The following DEAF1 variants were observed in gnomAD, a reference collection of about 807,000 sequenced individuals.
The protein encoded by DEAF1 is DEAF1 transcription factor, also known as deformed epidermal autoregulatory factor 1 homolog.
DEAF1 carries 53 observed loss-of-function variants against 58.9 expected under a neutral mutation model. The ratio of observed to expected loss-of-function variants is 0.90; its 90% CI spans 0.72 to 1.13. The LOEUF is 1.13. DEAF1 is among the 50% of genes most tolerant of loss of function. DEAF1 has a pLI of 0.00. For synonymous variants in DEAF1, 385 were observed against 340.4 expected (o/e 1.13, Z -1.44); for missense variants, 685 against 791.4 (o/e 0.87, Z 1.61).
At chr11:694,620 G>GGTGGAGCGGGCTGGTCAC in intron 1 of DEAF1, 139 bp downstream of exon 1, 1 of 798,664 alleles carries the variant, frequency 1.3e-6, no homozygotes, top group Non-Finnish European at 1.7e-6. Context: ...GTGCAGGGCG[G>GGTGGAGCGGGCTGGTCAC]GTGGAGCGGG....
In DEAF1 at chr11:679,700, C is replaced by T. The variant is rs371467345; in HGVS notation, c.1114G>A (p.Ala372Thr). ...TGGAGCAGCTCACCTGTGGCCCCTG[C>T]GAAGACGTCGCCCTGGGCCGGACTC... ...SESPAQGDVF[A>T]GATVQEASVQ... The change falls in exon 8 of 12, where the codon GCA becomes ACA. Residue 372 changes from alanine (A) to threonine (T), a missense_variant. This residue lies in a region of DEAF1 where 343 missense variants were observed against 379.8 expected (regional missense o/e 0.90). Coordinates refer to ENST00000382409, the MANE Select transcript of DEAF1 (RefSeq NM_021008.4). 3.1e-4 allele frequency: 492 copies of T among 1,612,466 alleles called. 1 individual carries two copies. The South Asian group carries it at 5.1e-3, about 17-fold the overall frequency.
chr11:691,402 G>C, intron 2 of DEAF1, 99 bp downstream of exon 2: 1 of 1,117,878 alleles, frequency 8.9e-7, no homozygotes, highest in African/African-American at 1.5e-5. Context: ...CAGAGCAGAC[G>C]TTCACACAGC....
chr11:704,482 C>A, intron 1 of DEAF1: 1 of 1,289,420 alleles, frequency 7.8e-7, no homozygotes, highest in Non-Finnish European at 1.0e-6. Flanking sequence ...GGACCCACTT[C>A]ACACACCAGC....
rs1374346481 is a variant in DEAF1 at position 704,528 on chromosome 11, C to G, written c.-438+2044G>C. On this transcript the variant is annotated intron_variant, in intron 1 of 11. Transcript: ENST00000683307. ...CTCGGGCCACCTCCCTCACCAGCGC[C>G]TGCACTCGCAGAAGACCAGCTGGGC... The G allele has an allele frequency of 5.4e-6, 7 of 1,289,474 alleles. No individual in the cohort carries two copies. In the Admixed American group the frequency reaches 1.1e-4, roughly 21 times the overall value. The allele number at this position is 1,289,474 out of a possible 1,614,324, so 79.9% of individuals were successfully genotyped here. A position where few individuals can be genotyped will look rare whatever the true frequency, so the allele number is the denominator to read the frequency against.
intron 10 of DEAF1, among the ~76,000 whole-genome samples, chr11:660,410 G>C (rs949702139): frequency 3.3e-5 from 5 of 152,208 alleles, no homozygotes; most frequent in African/African-American, 1.2e-4. Context: ...GGGTCCCCCT[G>C]AAGTGGGACT....
intron 10 of DEAF1, among the ~76,000 whole-genome samples, chr11:672,033 T>G (rs963989170): frequency 7.9e-5 from 12 of 152,134 alleles, no homozygotes; most frequent in Non-Finnish European, 1.5e-5. Flanking sequence ...TCAATAGTCA[T>G]TGAGTGGTGT....
chr11:702,995 G>A, intron 1 of DEAF1: 1 of 1,611,852 alleles, frequency 6.2e-7, no homozygotes. Context: ...CGCCAGCCTG[G>A]CCCTCACGGC....
intron 10 of DEAF1, among the ~76,000 whole-genome samples, chr11:658,388 C>G (rs1316958642): frequency 6.6e-6 from 1 of 152,230 alleles, no homozygotes; most frequent in Non-Finnish European, 1.5e-5. Flanking sequence ...GAGAACGCGC[C>G]ACTGCACTCC....
At chr11:663,187 C>G (rs1463748753) in intron 10 of DEAF1, among the ~76,000 whole-genome samples, 1 of 152,234 alleles carries the variant, frequency 6.6e-6, no homozygotes, top group Non-Finnish European at 1.5e-5. Context: ...TGGCTTACGT[C>G]TGTAATCCCA....
At chr11:697,499 C>A (rs1030078858), upstream of DEAF1, 2 of 152,158 alleles carry the variant, frequency 1.3e-5, no homozygotes, top group Admixed American at 6.5e-5. Context: ...TATAGCCGCC[C>A]TTCATATTAA....
At chr11:672,545 TAAAAA>T (rs1416600034) in intron 10 of DEAF1, among the ~76,000 whole-genome samples, 4 of 152,134 alleles carry the variant, frequency 2.6e-5, no homozygotes, top group Non-Finnish European at 5.9e-5. Flanking sequence ...CAGAAAAATT[TAAAAA>T]TTAAAAAATA....
chr11:704,822 G>A, intron 1 of DEAF1: 1 of 402,602 alleles, frequency 2.5e-6, no homozygotes, highest in South Asian at 2.0e-5. Flanking sequence ...CCGTTTAGGA[G>A]TGGAGAGGGA....
intron 1 of DEAF1, 159 bp downstream of exon 1, chr11:694,598 TGA>T: frequency 2.0e-6 from 1 of 511,878 alleles, no homozygotes; most frequent in South Asian, 7.0e-5. Flanking sequence ...GGAGCAGGTG[TGA>T]GGGGCAGGTG....
At chr11:662,287 A>G (rs1859352831) in intron 10 of DEAF1, among the ~76,000 whole-genome samples, 1 of 152,204 alleles carries the variant, frequency 6.6e-6, no homozygotes, top group African/African-American at 2.4e-5. Context: ...CGTCTCATAA[A>G]ACAAAAAAAA....
intron 6 of DEAF1, among the ~76,000 whole-genome samples, chr11:683,230 A>G (rs1320813482): frequency 6.6e-6 from 1 of 152,188 alleles, no homozygotes; most frequent in Admixed American, 6.5e-5. Context: ...GATGAAGTCC[A>G]ATCCAAGAAA....
chr11:660,755 C>T (rs1054013939), intron 10 of DEAF1, among the ~76,000 whole-genome samples: 5 of 152,214 alleles, frequency 3.3e-5, no homozygotes, highest in South Asian at 2.1e-4. Flanking sequence ...ATTTGGCTCA[C>T]GTGAGTGTTA....
chr11:698,722 G>A, upstream of DEAF1: 1 of 906,490 alleles, frequency 1.1e-6, no homozygotes, highest in Non-Finnish European at 1.8e-6. Context: ...CTATCTAGTG[G>A]CAGGCCCACG....
chr11:695,299 C>T, upstream of DEAF1: 1 of 464,504 alleles, frequency 2.2e-6, no homozygotes, highest in Non-Finnish European at 3.8e-6. Flanking sequence ...CGAGCCGAGA[C>T]CGAGTCCTGA....
intron 1 of DEAF1, 104 bp from the exon 2 acceptor site, chr11:691,702 G>T: frequency 2.2e-6 from 2 of 923,398 alleles, no homozygotes; most frequent in East Asian, 2.6e-5. Context: ...CCTCAGGTGT[G>T]TGCCCTTGTA....
Sources: allele counts gnomAD v4.1 joint callset (sites outside exome capture counted in the v4.1 genomes callset), GRCh38; gene constraint gnomAD v4.1.1; regional missense constraint gnomAD v4.1.1; transcripts MANE v1.5; gene names NCBI Gene and HGNC (gene_info 2026-07-23, HGNC 2026-07-21).